CROCC2: variants seen among roughly 807,000 people sequenced by gnomAD.
The protein encoded by CROCC2 is ciliary rootlet coiled-coil, rootletin family member 2.
CROCC2 carries 163 observed loss-of-function variants against 177.6 expected under a neutral mutation model. The ratio of observed to expected loss-of-function variants is 0.92; its 90% CI spans 0.81 to 1.05. The LOEUF is 1.05. Ranked by LOEUF, CROCC2 falls within the 50% of genes least tolerant of loss-of-function variation. CROCC2 has a pLI of 0.00. For synonymous variants in CROCC2, 904 were observed against 787.3 expected, an observed-to-expected ratio of 1.15 and a Z score of -2.48; for missense variants, 1,929 against 1,797.8, an observed-to-expected ratio of 1.07 and a Z score of -1.32.
At chr2:240,957,137 A>G (rs1048965592) in intron 19 of CROCC2, among the ~76,000 whole-genome samples, 3 of 152,114 alleles carry the variant, frequency 2.0e-5, no homozygotes, top group African/African-American at 7.2e-5. Context: ...CTTGCCAGGA[A>G]CAGGTAGGAT....
rs1385327677 is a variant in CROCC2 at position 240,949,525 on chromosome 2, C to T, written c.2483-8C>T. ...AGGCCCTGGTGCATCTCACCCATCA[C>T]CCCACAGTGGAAATGGAGCAGCTAC... is the stretch of plus-strand genomic sequence containing the variant. On this transcript the variant is annotated splice_polypyrimidine_tract_variant and splice_region_variant and intron_variant, in intron 16 of 31. Coordinates refer to ENST00000690015, the MANE Select transcript of CROCC2 (RefSeq NM_001351305.2). The surrounding 1 kb of genome is among the most constrained non-coding windows in gnomAD (Gnocchi z 4.5). The T allele has an allele frequency of 1.3e-6, 2 of 1,549,914 alleles. No homozygotes were observed. The highest frequency in any genetic ancestry group is 1.2e-5 in the South Asian group (1 of 84,026).
chr2:240,911,364 T>G (rs1374392181), intron 1 of CROCC2, among the ~76,000 whole-genome samples: 1 of 147,928 alleles, frequency 6.8e-6, no homozygotes, highest in Admixed American at 6.9e-5. Context: ...TGGTGCGATC[T>G]CGGCTCACAG....
intron 27 of CROCC2, among the ~76,000 whole-genome samples, chr2:240,968,537 G>A (rs1248487767): frequency 6.6e-6 from 1 of 152,216 alleles, no homozygotes; most frequent in Non-Finnish European, 1.5e-5. Context: ...ACAGGTTGGG[G>A]AAACTGAGGA....
At chr2:240,977,094 A>T (rs2059771706) in intron 27 of CROCC2, among the ~76,000 whole-genome samples, 12 of 48,214 alleles carry the variant, frequency 2.5e-4, no homozygotes, top group African/African-American at 1.2e-3. Flanking sequence ...ATCCCTGCTC[A>T]GGCTCTGGGG....
At position 240,958,451 on chromosome 2, in the gene CROCC2, C is replaced by T. The variant is rs113529555; in HGVS notation, c.2944-850C>T. 5.6e-6 allele frequency: 2 copies of T among 355,188 alleles called. No homozygotes were observed. Among genetic ancestry groups the T allele is most frequent in the South Asian group, 1.1e-4 (1 of 8,858 alleles). 22.0% of individuals were successfully genotyped at this position (355,188 alleles called of 1,614,324 possible). Reference sequence around the variant, plus strand: ...AGCAGGGGGCACAGGCTGCAGGAACCCCCACCCTAGCAGAATCCAGGTGGA... The same window carrying T: ...AGCAGGGGGCACAGGCTGCAGGAACTCCCACCCTAGCAGAATCCAGGTGGA... On this transcript the variant is annotated intron_variant, in intron 19 of 31. Transcript: ENST00000690015. This position sits in a 1 kb window ranked among gnomAD's most constrained non-coding sequence, Gnocchi z 6.7.
At chr2:240,974,524 T>G (rs1365350609) in intron 27 of CROCC2, among the ~76,000 whole-genome samples, 3 of 70,566 alleles carry the variant, frequency 4.3e-5, no homozygotes, top group Non-Finnish European at 5.4e-5. Context: ...GTATTTTCTT[T>G]CTTTTTTTTC....
In CROCC2 at chr2:240,932,815, G is replaced by T. The variant is rs1319215213; in HGVS notation, c.1158G>T (p.Gly386=). The T allele has an allele frequency of 6.5e-7, 1 of 1,536,630 alleles. No homozygotes were observed. Among genetic ancestry groups the T allele is most frequent in the African/African-American group, 1.4e-5 (1 of 72,850 alleles). The change falls in exon 9 of 32, where the codon GGG becomes GGT. Residue 386 remains glycine (G), a synonymous_variant. Coordinates refer to ENST00000690015, the MANE Select transcript of CROCC2 (RefSeq NM_001351305.2). ...SPQRATSPHQ[G]ASPPHICSPA... The stretch of plus-strand genomic sequence containing the variant: ...AACGTGCCACATCCCCCCATCAAGG[G>T]GCGTCCCCACCACACATCTGCTCCC...
intron 3 of CROCC2, among the ~76,000 whole-genome samples, chr2:240,922,038 T>C (rs2059359884): frequency 6.6e-6 from 1 of 152,054 alleles, no homozygotes; most frequent in Non-Finnish European, 1.5e-5. Flanking sequence ...GGAACCACAC[T>C]CAATCTCCAG....
chr2:240,989,700 A>T lies in CROCC2; in HGVS notation c.4730A>T (p.Asp1577Val). 6.5e-7 allele frequency: 1 copy of T among 1,550,126 alleles called. No individual in the cohort carries two copies. ...MEQAHTQRLQDLTAQHQRDLA... is the reference protein window; with the variant it reads ...MEQAHTQRLQVLTAQHQRDLA... ...CAGGCCCACACCCAGCGGCTCCAGGACCTGACAGCTCAGCACCAGCGGGAC... is the reference window on the plus strand; with the variant it reads ...CAGGCCCACACCCAGCGGCTCCAGGTCCTGACAGCTCAGCACCAGCGGGAC... Residue 1577 changes from aspartate to valine, a missense_variant, in exon 30 of 32, where the codon GAC becomes GTC. By Grantham distance (152) the Asp-to-Val change is radical. Transcript: ENST00000690015.
At position 240,918,991 on chromosome 2, in the gene CROCC2, C is replaced by T. The variant is rs1186981841; in HGVS notation, c.229+115C>T. The T allele has an allele frequency of 3.0e-4, 171 of 571,610 alleles. No individual in the cohort carries two copies. Among genetic ancestry groups the T allele is most frequent in the Non-Finnish European group, 3.8e-4 (123 of 322,308 alleles). 35.4% of individuals were successfully genotyped at this position (571,610 alleles called of 1,614,324 possible). A position where few individuals can be genotyped will look rare whatever the true frequency, so the allele number is the denominator to read the frequency against. The stretch of plus-strand genomic sequence containing the variant: ...GGCGTGGGGGACAGTCCTGGGCTCG[C>T]GGCTGGCCAAGGTGATGGCGTGGGG... On this transcript the variant is annotated intron_variant, in intron 2 of 31. Coordinates refer to ENST00000690015, the MANE Select transcript of CROCC2 (RefSeq NM_001351305.2). This position sits in a 1 kb window ranked among gnomAD's most constrained non-coding sequence, Gnocchi z 6.3.
chr2:240,975,191 CTAGTATGGTCAAAG>C (rs1290398644), intron 27 of CROCC2, among the ~76,000 whole-genome samples: 2 of 152,194 alleles, frequency 1.3e-5, no homozygotes, highest in Non-Finnish European at 2.9e-5. Flanking sequence ...GGCTATAATG[CTAGTATGGTCAAAG>C]CAGGAGAGGC....
At chr2:240,929,186 G>A (rs766285379) in intron 5 of CROCC2, among the ~76,000 whole-genome samples, 15 of 152,162 alleles carry the variant, frequency 9.9e-5, no homozygotes, top group Non-Finnish European at 1.9e-4. Context: ...ATGAAGGTGA[G>A]TTGATCTAAT....
At chr2:240,963,884 C>T (rs1170344417) in intron 21 of CROCC2, 111 bp downstream of exon 21, 7 of 1,169,938 alleles carry the variant, frequency 6.0e-6, no homozygotes, top group Admixed American at 2.2e-5. Flanking sequence ...TTGACTTGGG[C>T]CCCACTGATG....
At chr2:240,910,578 C>A (rs1241434895) in intron 1 of CROCC2, among the ~76,000 whole-genome samples, 2 of 152,188 alleles carry the variant, frequency 1.3e-5, no homozygotes, top group South Asian at 2.1e-4. Context: ...CTCCAGACAG[C>A]CTTGGGTCTG....
intron 26 of CROCC2, 42 bp downstream of exon 26, chr2:240,967,507 G>T: frequency 6.5e-7 from 1 of 1,545,732 alleles, no homozygotes; most frequent in Non-Finnish European, 8.7e-7. Context: ...GGGAGTGGCT[G>T]TGAGAGTGGC....
At chr2:240,916,300 T>C (rs1415447851) in intron 1 of CROCC2, among the ~76,000 whole-genome samples, 1 of 151,640 alleles carries the variant, frequency 6.6e-6, no homozygotes, top group Non-Finnish European at 1.5e-5. Context: ...CTCCTCCGGG[T>C]GGTTCCATGG....
At position 240,950,501 on chromosome 2, in the gene CROCC2, G is replaced by C. The variant is rs1166114036; in HGVS notation, c.2820G>C (p.Lys940Asn). ...AGAGCCTTCTCCAACTGGAGCACAA[G>C]ATGCAACAGGTGATGGTGAGGCTGG... ...RDESLLQLEH[K>N]MQQALSLKET... Residue 940 changes from lysine (K) to asparagine (N), a missense_variant, in exon 18 of 32, where the codon AAG (lysine) becomes AAC (asparagine). Physicochemically the swap from Lys to Asn is moderately conservative, Grantham distance 94 (BLOSUM62 0). Transcript: ENST00000690015. The C allele has an allele frequency of 1.3e-6, 2 of 1,549,284 alleles. No homozygotes were observed. Among genetic ancestry groups the C allele is most frequent in the Non-Finnish European group, 1.7e-6 (2 of 1,146,280 alleles).
intron 14 of CROCC2, among the ~76,000 whole-genome samples, chr2:240,940,615 A>G (rs1349748836): frequency 1.5e-5 from 2 of 130,854 alleles, no homozygotes; most frequent in African/African-American, 5.0e-5. Context: ...ATCTCAATAG[A>G]CGCAGAAAAA....
chr2:240,948,853 C>A (rs573971459), intron 15 of CROCC2, 126 bp from the exon 16 acceptor site: 1 of 887,342 alleles, frequency 1.1e-6, no homozygotes, highest in South Asian at 1.6e-5. Flanking sequence ...ACCATAATTT[C>A]TAAAACATTC....
Sources: allele counts gnomAD v4.1 joint callset (sites outside exome capture counted in the v4.1 genomes callset), GRCh38; gene constraint gnomAD v4.1.1; non-coding constraint Gnocchi (gnomAD v3.1); transcripts MANE v1.5; gene names NCBI Gene and HGNC (gene_info 2026-07-23, HGNC 2026-07-21).